The following PPFIA3 variants were observed in gnomAD, a reference collection of about 807,000 sequenced individuals.
PPFIA3 encodes liprin-alpha-3.
A neutral mutation model predicts 145.8 loss-of-function variants in PPFIA3; 26 were observed. The ratio of observed to expected loss-of-function variants is 0.18; its 90% CI spans 0.13 to 0.25. The LOEUF (loss-of-function observed/expected upper bound fraction) is 0.25. PPFIA3 is among the 10% of genes least tolerant of loss of function. PPFIA3 has a pLI of 1.00. For synonymous variants in PPFIA3, 645 were observed against 661.4 expected, an observed-to-expected ratio of 0.98 and a Z score of 0.38; for missense variants, 1,008 against 1,587.8, an observed-to-expected ratio of 0.63 and a Z score of 6.21.
At chr19:49,131,683 G>A (rs893535311) in intron 7 of PPFIA3, among the ~76,000 whole-genome samples, 6 of 151,834 alleles carry the variant, frequency 4.0e-5, no homozygotes, top group African/African-American at 9.7e-5. Context: ...TTAGCCGGGC[G>A]TGGTGGTGGG....
At chr19:49,146,598 T>C (rs2041283803) in intron 23 of PPFIA3, among the ~76,000 whole-genome samples, 1 of 152,020 alleles carries the variant, frequency 6.6e-6, no homozygotes, top group Non-Finnish European at 1.5e-5. Flanking sequence ...CCAGGCTGAA[T>C]GAGAAGTTGG....
At position 49,120,204 on chromosome 19, in the gene PPFIA3, C is replaced by G. The variant is rs1397390330; in HGVS notation, c.-16+482C>G. 6.6e-6 allele frequency among the ~76,000 whole-genome samples: 1 copy of G among 152,052 alleles called. No individual in the cohort carries two copies. The highest frequency in any genetic ancestry group is 1.5e-5 in the Non-Finnish European group (1 of 67,966). On this transcript the variant is annotated intron_variant, in intron 1 of 29. Transcript: ENST00000334186. This position sits in a 1 kb window ranked among gnomAD's most constrained non-coding sequence, Gnocchi z 4.6. ...GGCCCGCTCTGGAGCTGTCCATGGTCAGCGCGCTCGGCAGCCTCGCCTCCC... is the reference window on the plus strand; with the variant it reads ...GGCCCGCTCTGGAGCTGTCCATGGTGAGCGCGCTCGGCAGCCTCGCCTCCC...
intron 1 of PPFIA3, among the ~76,000 whole-genome samples, chr19:49,125,955 G>A (rs942294553): frequency 3.3e-5 from 5 of 150,846 alleles, no homozygotes; most frequent in African/African-American, 1.2e-4. Context: ...TTGTTTGTTT[G>A]TTTTGTTTTT....
chr19:49,148,616 T>G (rs2041306480), intron 24 of PPFIA3, 50 bp from the exon 25 acceptor site: 3 of 1,430,294 alleles, frequency 2.1e-6, no homozygotes, highest in Non-Finnish European at 2.9e-6. Context: ...GGAGCAGCAG[T>G]CTAGGGGACT....
chr19:49,141,340 A>G, intron 18 of PPFIA3, 80 bp from the exon 19 acceptor site: 1 of 1,132,666 alleles, frequency 8.8e-7, no homozygotes, highest in South Asian at 1.3e-5. Flanking sequence ...CCTTTCCGGC[A>G]TTTTCCTCAT....
chr19:49,130,277 T>G lies in PPFIA3; in HGVS notation c.658-101T>G. ...TGGACTCTGACCAGCATGATCCTTA[T>G]TGATCTTTGATCTACTTTCAGCTGA... On this transcript the variant is annotated intron_variant, in intron 6 of 29. Transcript: ENST00000334186. The surrounding 1 kb of genome is among the most constrained non-coding windows in gnomAD (Gnocchi z 4.5). The G allele has an allele frequency of 7.8e-7, 1 of 1,274,836 alleles. No homozygotes were observed. Among genetic ancestry groups the G allele is most frequent in the Non-Finnish European group, 1.1e-6 (1 of 925,328 alleles). The allele number at this position is 1,274,836 out of a possible 1,614,324, so 79.0% of individuals were successfully genotyped here. A position where few individuals can be genotyped will look rare whatever the true frequency, so the allele number is the denominator to read the frequency against.
chr19:49,136,518 G>A (rs1181429294), intron 14 of PPFIA3, among the ~76,000 whole-genome samples: 1 of 152,220 alleles, frequency 6.6e-6, no homozygotes, highest in African/African-American at 2.4e-5. Context: ...GAACCTGGGA[G>A]GCGTAACCCG....
chr19:49,150,224 G>T lies in PPFIA3; in HGVS notation c.*14-12G>T. ...ATCTTCACTGCTCCACGCGCTGCCC[G>T]GCGTCATGCAGGTGACCTCACTCGG... On this transcript the variant is annotated splice_polypyrimidine_tract_variant and intron_variant, in intron 29 of 29. Transcript: ENST00000334186. 7.5e-7 allele frequency: 1 copy of T among 1,341,348 alleles called. No individual in the cohort carries two copies. Among genetic ancestry groups the T allele is most frequent in the South Asian group, 1.3e-5 (1 of 78,366 alleles). The allele number at this position is 1,341,348 out of a possible 1,614,324, so 83.1% of individuals were successfully genotyped here. A position where few individuals can be genotyped will look rare whatever the true frequency, so the allele number is the denominator to read the frequency against.
chr19:49,127,918 G>A lies in PPFIA3; in HGVS notation c.45G>A (p.Arg15=). The A allele has an allele frequency of 2.5e-6, 4 of 1,592,718 alleles. No homozygotes were observed. Among genetic ancestry groups the A allele is most frequent in the Non-Finnish European group, 2.5e-6 (3 of 1,177,344 alleles). ...CCACCATCAGCGAGGATGGCCGGCG[G>A]GGCTCGGCGCTGGGCCCGGACGAGG... ...VMPTISEDGR[R]GSALGPDEAG... The change falls in exon 2 of 30, where the codon CGG becomes CGA. Residue 15 remains arginine (R), a synonymous_variant. Transcript: ENST00000334186.
chr19:49,132,878 G>A, intron 7 of PPFIA3, 123 bp from the exon 8 acceptor site: 1 of 1,285,138 alleles, frequency 7.8e-7, no homozygotes, highest in African/African-American at 1.5e-5. Context: ...GGAGCTCTTA[G>A]CGGGTGTGAC....
chr19:49,131,028 ATT>A (rs33934210), intron 7 of PPFIA3, among the ~76,000 whole-genome samples: 2,156 of 134,338 alleles, frequency 0.016, 22 homozygotes, highest in African/African-American at 0.023. Context: ...TGCACCGCTA[ATT>A]TTTTTTTTTT....
At position 49,127,796 on chromosome 19, in the gene PPFIA3, G is replaced by C. The variant is rs551551536; in HGVS notation, c.-15-63G>C. 2.4e-4 allele frequency: 371 copies of C among 1,557,446 alleles called. 2 individuals carry two copies. The African/African-American group carries it at 4.5e-3, about 19-fold the overall frequency. The stretch of plus-strand genomic sequence containing the variant: ...CCCTACGTGGTATCCGAGTGGCTGT[G>C]CCTCAGTTTCTCTGTTGTGCCTTGA... On this transcript the variant is annotated intron_variant, in intron 1 of 29. Coordinates refer to ENST00000334186, the MANE Select transcript of PPFIA3 (RefSeq NM_003660.4).
intron 1 of PPFIA3, among the ~76,000 whole-genome samples, chr19:49,122,162 C>T (rs150492301): frequency 0.013 from 1,917 of 150,258 alleles, 30 homozygotes; most frequent in Non-Finnish European, 0.02. Flanking sequence ...CTCACCACAA[C>T]CTCTGCCTCC....
In PPFIA3 at chr19:49,133,409, A is replaced by G. The variant is rs1600334290; in HGVS notation, c.1161+38A>G. 7.4e-7 allele frequency: 1 copy of G among 1,359,596 alleles called. No homozygotes were observed. The highest frequency in any genetic ancestry group is 9.7e-7 in the Non-Finnish European group (1 of 1,032,550). 84.2% of individuals were successfully genotyped at this position (1,359,596 alleles called of 1,614,324 possible). A position where few individuals can be genotyped will look rare whatever the true frequency, so the allele number is the denominator to read the frequency against. ...CTCGGGTCGGGGCCTTGCGTGGGGAAGGGGTGGGGCCTAGAGGAGGCGGGG... is the reference window on the plus strand; with the variant it reads ...CTCGGGTCGGGGCCTTGCGTGGGGAGGGGGTGGGGCCTAGAGGAGGCGGGG... On this transcript the variant is annotated intron_variant, in intron 9 of 29. Coordinates refer to ENST00000334186, the MANE Select transcript of PPFIA3 (RefSeq NM_003660.4). The surrounding 1 kb of genome is among the most constrained non-coding windows in gnomAD (Gnocchi z 7.2).
intron 23 of PPFIA3, 45 bp from the exon 24 acceptor site, chr19:49,148,038 G>A (rs1372257332): frequency 1.3e-6 from 2 of 1,570,084 alleles, no homozygotes; most frequent in African/African-American, 1.4e-5. Flanking sequence ...ACAGTGGGAA[G>A]GGGCCAGAGG....
rs374199121 is a variant in PPFIA3, at chr19:49,138,156, C to T, written c.1854-49C>T. The T allele has an allele frequency of 2.3e-5, 35 of 1,501,858 alleles. No homozygotes were observed. The South Asian group carries it at 2.4e-4, about 10-fold the overall frequency. The allele number at this position is 1,501,858 out of a possible 1,614,324, so 93.0% of individuals were successfully genotyped here. ...CATTGTGCTCCCAGATTCCCTCTCC[C>T]GCTGTCTGCTGCGGCCCCTCACCCA... On this transcript the variant is annotated intron_variant, in intron 15 of 29. Coordinates refer to ENST00000334186, the MANE Select transcript of PPFIA3 (RefSeq NM_003660.4).
At chr19:49,129,937 C>G (rs139737643) in intron 5 of PPFIA3, 56 bp from the exon 6 acceptor site, 61 of 1,579,452 alleles carry the variant, frequency 3.9e-5, no homozygotes, top group Non-Finnish European at 4.7e-5. Context: ...CCAGTGAGAA[C>G]TAGAGCTGGG....
intron 23 of PPFIA3, among the ~76,000 whole-genome samples, chr19:49,146,741 C>T (rs1293237167): frequency 6.6e-6 from 1 of 152,108 alleles, no homozygotes; most frequent in Non-Finnish European, 1.5e-5. Flanking sequence ...ACCAGTCTGG[C>T]CAACATGGTG....
rs199896512 is a variant in PPFIA3 at position 49,148,700 on chromosome 19, C to A, written c.3046C>A (p.Arg1016=). 6.2e-7 allele frequency: 1 copy of A among 1,613,910 alleles called. No individual in the cohort carries two copies. Among genetic ancestry groups the A allele is most frequent in the African/African-American group, 1.3e-5 (1 of 74,900 alleles). The change falls in exon 25 of 30, where the codon CGG becomes AGG. Residue 1016 remains arginine, a synonymous_variant. Coordinates refer to ENST00000334186, the MANE Select transcript of PPFIA3 (RefSeq NM_003660.4). ...SLHYGIMCLK[R]LNYDRKDLER... is the part of the protein sequence containing the mutation. ...ACATTATGGGATTATGTGCCTGAAA[C>A]GGCTCAACTATGACCGGAAGGACCT...
Sources: allele counts gnomAD v4.1 joint callset (sites outside exome capture counted in the v4.1 genomes callset), GRCh38; gene constraint gnomAD v4.1.1; non-coding constraint Gnocchi (gnomAD v3.1); transcripts MANE v1.5; gene names NCBI Gene and HGNC (gene_info 2026-07-23, HGNC 2026-07-21).